Variants in VWA8 observed in about 807,000 individuals in gnomAD.
The protein encoded by VWA8 is von Willebrand factor A domain-containing protein 8.
Under a neutral mutation model 241.5 loss-of-function variants are expected in VWA8, and 221 were observed. The ratio of observed to expected loss-of-function variants is 0.91; its 90% CI spans 0.82 to 1.02. The LOEUF (loss-of-function observed/expected upper bound fraction) is 1.02. Among genes scored for constraint, VWA8 ranks in the 50% least tolerant of loss-of-function variants. VWA8 has a pLI of 0.00. For synonymous variants in VWA8, 852 were observed against 827.1 expected, an observed-to-expected ratio of 1.03 and a Z score of -0.52; for missense variants, 2,322 against 2,328.7, an observed-to-expected ratio of 1.00 and a Z score of 0.06.
At chr13:41,721,944 T>C (rs1319149258) in intron 24 of VWA8, among the ~76,000 whole-genome samples, 1 of 151,536 alleles carries the variant, frequency 6.6e-6, no homozygotes, top group Non-Finnish European at 1.5e-5. Flanking sequence ...TCCAGACCTG[T>C]ATTAGCACTT....
At chr13:41,769,819 A>G (rs1368749490) in intron 20 of VWA8, among the ~76,000 whole-genome samples, 1 of 152,204 alleles carries the variant, frequency 6.6e-6, no homozygotes, top group Non-Finnish European at 1.5e-5. Flanking sequence ...GAAATTATAT[A>G]AAAGTACATT....
intron 35 of VWA8, among the ~76,000 whole-genome samples, chr13:41,676,769 A>T (rs2045063106): frequency 6.6e-6 from 1 of 151,978 alleles, no homozygotes; most frequent in South Asian, 2.1e-4. Context: ...AGTAGCTGGG[A>T]TTATAGGCAC....
intron 21 of VWA8, among the ~76,000 whole-genome samples, chr13:41,734,831 G>A (rs1593730306): frequency 6.6e-6 from 1 of 152,256 alleles, no homozygotes; most frequent in African/African-American, 2.4e-5. Context: ...ATTAAATTGT[G>A]TCTAAAGATA....
intron 37 of VWA8, among the ~76,000 whole-genome samples, chr13:41,655,119 C>T (rs1428482699): frequency 6.8e-6 from 1 of 147,692 alleles, no homozygotes; most frequent in Non-Finnish European, 1.5e-5. Flanking sequence ...GAGACAGAGT[C>T]TCGCTCGTGG....
At chr13:41,889,964 G>C (rs1874748398) in intron 5 of VWA8, among the ~76,000 whole-genome samples, 1 of 152,094 alleles carries the variant, frequency 6.6e-6, no homozygotes, top group African/African-American at 2.4e-5. Flanking sequence ...AAAGTTAAAA[G>C]CTTTCATTTT....
intron 14 of VWA8, among the ~76,000 whole-genome samples, chr13:41,828,514 T>C (rs1053831380): frequency 1.3e-5 from 2 of 152,214 alleles, no homozygotes; most frequent in African/African-American, 2.4e-5. Flanking sequence ...CTTTTTGTTT[T>C]GAAATTTTTT....
chr13:41,918,163 A>C (rs946656776), intron 2 of VWA8, among the ~76,000 whole-genome samples: 1 of 152,220 alleles, frequency 6.6e-6, no homozygotes, highest in African/African-American at 2.4e-5. Context: ...AAGATGAATA[A>C]AATAAGGTTC....
intron 37 of VWA8, among the ~76,000 whole-genome samples, chr13:41,640,211 C>T (rs966222238): frequency 3.3e-5 from 5 of 152,156 alleles, no homozygotes; most frequent in African/African-American, 1.2e-4. Context: ...AGTCTATTCA[C>T]GTCAGTGTTT....
Position 41,662,217 on chromosome 13 carries a change from G to A in VWA8, c.4611+8729C>T, listed in dbSNP as rs77295315. ...AATTGGAATTGTGTTAAATCTGTAG[G>A]CCAATTTGGAGAGAACTGACATCAT... On this transcript the variant is annotated intron_variant, in intron 37 of 44. Transcript: ENST00000379310. Among the ~76,000 whole-genome samples, 1,418 of 152,110 alleles carry A rather than the reference G, an allele frequency of 9.3e-3. 16 individuals carry two copies. The highest frequency in any genetic ancestry group is 0.031 in the African/African-American group (1,274 of 41,494).
At chr13:41,764,092 T>C (rs1177424003) in intron 20 of VWA8, among the ~76,000 whole-genome samples, 1 of 152,144 alleles carries the variant, frequency 6.6e-6, no homozygotes, top group African/African-American at 2.4e-5. Flanking sequence ...AAACAGATGC[T>C]TATCATCCTT....
intron 2 of VWA8, among the ~76,000 whole-genome samples, chr13:41,934,742 A>C (rs748841613): frequency 2.6e-5 from 4 of 152,040 alleles, no homozygotes; most frequent in African/African-American, 7.2e-5. Context: ...ATTCCTAGGC[A>C]ATGGAGGAAC....
chr13:41,758,876 G>C (rs1261539900), intron 21 of VWA8, among the ~76,000 whole-genome samples: 1 of 151,400 alleles, frequency 6.6e-6, no homozygotes, highest in Non-Finnish European at 1.5e-5. Flanking sequence ...TATCAGGAAT[G>C]GATATTGAAT....
intron 13 of VWA8, among the ~76,000 whole-genome samples, chr13:41,832,861 T>C (rs542643901): frequency 1.4e-4 from 22 of 152,128 alleles, no homozygotes; most frequent in South Asian, 1.0e-3. Flanking sequence ...AAGTTTATAA[T>C]TAACAAAGTG....
At chr13:41,787,639 C>CA in intron 17 of VWA8, 96 bp from the exon 18 acceptor site, 53 of 755,110 alleles carry the variant, frequency 7.0e-5, no homozygotes, top group Admixed American at 2.1e-4. Context: ...CACACACACT[C>CA]CTTACTAATT....
At position 41,950,013 on chromosome 13, in the gene VWA8, C is replaced by A; in HGVS notation, c.164G>T (p.Gly55Val). ...LLHAGSGADT[G>V]DTVNIGDVSY... ...TACATCTCCAATATTAACTGTATCA[C>A]CTAAAAAGAGATTTTAAAAACAGAA... Residue 55 changes from glycine (G) to valine (V), a missense_variant and splice_region_variant, in exon 2 of 45, where the codon GGT becomes GTT. Physicochemically the swap from Gly to Val is moderately radical, Grantham distance 109 (BLOSUM62 -3). Coordinates refer to ENST00000379310, the MANE Select transcript of VWA8 (RefSeq NM_015058.2). 1 of 1,543,584 alleles carries A rather than the reference C, an allele frequency of 6.5e-7. No homozygotes were observed. The highest frequency in any genetic ancestry group is 1.4e-5 in the African/African-American group (1 of 72,274).
chr13:41,708,124 G>A (rs1362994831), intron 26 of VWA8, among the ~76,000 whole-genome samples: 3 of 152,028 alleles, frequency 2.0e-5, no homozygotes, highest in East Asian at 1.9e-4. Context: ...TTGGGAGGCC[G>A]AGGCGGGCGG....
chr13:41,833,627 T>C, intron 12 of VWA8, 96 bp from the exon 13 acceptor site: 2 of 1,303,128 alleles, frequency 1.5e-6, no homozygotes, highest in Non-Finnish European at 2.0e-6. Context: ...CACCTCCGTC[T>C]GAACTTAACA....
At chr13:41,778,529 T>A (rs950269943) in intron 19 of VWA8, among the ~76,000 whole-genome samples, 1 of 152,134 alleles carries the variant, frequency 6.6e-6, no homozygotes, top group African/African-American at 2.4e-5. Flanking sequence ...ACTTTTTAAT[T>A]TGAATTATGA....
At chr13:41,815,496 A>C (rs985358267) in intron 16 of VWA8, among the ~76,000 whole-genome samples, 6 of 152,204 alleles carry the variant, frequency 3.9e-5, no homozygotes, top group Non-Finnish European at 5.9e-5. Context: ...GATTTGACAC[A>C]AACACAGGGG....
Sources: allele counts gnomAD v4.1 joint callset (sites outside exome capture counted in the v4.1 genomes callset), GRCh38; gene constraint gnomAD v4.1.1; transcripts MANE v1.5; gene names NCBI Gene and HGNC (gene_info 2026-07-23, HGNC 2026-07-21).